FUT8: variants seen among roughly 807,000 people sequenced by gnomAD.
The protein encoded by FUT8 is alpha-(1,6)-fucosyltransferase.
Under a neutral mutation model 71.3 loss-of-function variants are expected in FUT8, and 29 were observed. The ratio of observed to expected loss-of-function variants is 0.41; its 90% CI spans 0.30 to 0.55. The LOEUF is 0.55. FUT8 is among the 20% of genes least tolerant of loss of function. The pLI, the probability that FUT8 is intolerant of heterozygous loss-of-function variation, is 0.34. For missense variants in FUT8, 544 were observed against 702.1 expected, an observed-to-expected ratio of 0.77 and a Z score of 2.55; for synonymous variants, 254 against 239.3, an observed-to-expected ratio of 1.06 and a Z score of -0.57.
intron 3 of FUT8, among the ~76,000 whole-genome samples, chr14:65,582,032 A>G (rs1457538185): frequency 6.6e-6 from 1 of 152,188 alleles, no homozygotes; most frequent in Admixed American, 6.5e-5. Context: ...ACTGTAAGTC[A>G]TGGTGTTGAA....
chr14:65,514,980 T>C (rs1317847145), intron 2 of FUT8, among the ~76,000 whole-genome samples: 1 of 152,206 alleles, frequency 6.6e-6, no homozygotes, highest in East Asian at 1.9e-4. Flanking sequence ...CCTTTGACAT[T>C]AGTAATATTT....
the FUT8 span, among the ~76,000 whole-genome samples, chr14:65,391,810 T>C: frequency 6.7e-6 from 1 of 148,918 alleles, no homozygotes. Flanking sequence ...TTAGTAGAGA[T>C]GGGGTTTCAC....
intron 2 of FUT8, among the ~76,000 whole-genome samples, chr14:65,457,742 A>G (rs368249026): frequency 1.3e-5 from 2 of 152,338 alleles, no homozygotes; most frequent in East Asian, 3.9e-4. Context: ...TTCACAATAC[A>G]GTGCCTGAAA....
intron 2 of FUT8, among the ~76,000 whole-genome samples, chr14:65,557,627 A>T (rs1885664262): frequency 7.0e-6 from 1 of 143,090 alleles, no homozygotes; most frequent in African/African-American, 2.5e-5. Context: ...CACTGTGCCC[A>T]GCCAATTTTG....
the FUT8 span, among the ~76,000 whole-genome samples, chr14:65,357,213 A>T: frequency 5.6e-3 from 846 of 152,364 alleles, 28 homozygotes; most frequent in East Asian, 0.085. Flanking sequence ...TACTTGGAAG[A>T]GTGCTTGTCA....
intron 5 of FUT8, among the ~76,000 whole-genome samples, chr14:65,621,034 G>C (rs982623390): frequency 1.3e-5 from 2 of 152,112 alleles, no homozygotes; most frequent in Admixed American, 6.6e-5. Flanking sequence ...AGGTGGAAAA[G>C]GGTGTTTTTC....
At chr14:65,588,444 A>G (rs1887506948) in intron 3 of FUT8, among the ~76,000 whole-genome samples, 1 of 152,190 alleles carries the variant, frequency 6.6e-6, no homozygotes, top group African/African-American at 2.4e-5. Flanking sequence ...CTGTTATTAC[A>G]TGTGCTGCAA....
chr14:65,651,653 T>A (rs1232011743), intron 6 of FUT8, among the ~76,000 whole-genome samples: 1 of 152,126 alleles, frequency 6.6e-6, no homozygotes. Flanking sequence ...ATTACAGTCT[T>A]GAAACAAATG....
At chr14:65,442,611 G>T (rs965912812) in intron 1 of FUT8, among the ~76,000 whole-genome samples, 1 of 151,970 alleles carries the variant, frequency 6.6e-6, no homozygotes, top group African/African-American at 2.4e-5. Context: ...GAGGCAGGTG[G>T]ATTACTTGAG....
intron 2 of FUT8, among the ~76,000 whole-genome samples, chr14:65,463,563 G>A (rs993424005): frequency 6.6e-6 from 1 of 152,142 alleles, no homozygotes; most frequent in Non-Finnish European, 1.5e-5. Context: ...CACCGTGCCT[G>A]GCTAATATAT....
intron 3 of FUT8, among the ~76,000 whole-genome samples, chr14:65,579,952 A>C (rs1206331606): frequency 1.3e-5 from 2 of 152,016 alleles, no homozygotes; most frequent in Admixed American, 1.3e-4. Flanking sequence ...GTAATACCCT[A>C]TTCTGATCCT....
At chr14:65,538,721 A>G (rs1017300463) in intron 2 of FUT8, among the ~76,000 whole-genome samples, 18 of 152,114 alleles carry the variant, frequency 1.2e-4, no homozygotes, top group Admixed American at 1.0e-3. Flanking sequence ...GGAGTTCGAG[A>G]CCAGCCTGGC....
intron 3 of FUT8, among the ~76,000 whole-genome samples, chr14:65,572,146 T>C (rs1886512125): frequency 6.6e-6 from 1 of 152,174 alleles, no homozygotes; most frequent in Non-Finnish European, 1.5e-5. Context: ...AGGTCTCATG[T>C]GGCACCCTAT....
intron 2 of FUT8, among the ~76,000 whole-genome samples, chr14:65,528,133 CCCTGTCCA>C (rs1196511643): frequency 6.6e-6 from 1 of 152,220 alleles, no homozygotes; most frequent in Non-Finnish European, 1.5e-5. Context: ...TTCGGCTATG[CCCTGTCCA>C]CAGAGGTGGA....
the FUT8 span, among the ~76,000 whole-genome samples, chr14:65,380,937 T>A: frequency 3.9e-5 from 6 of 152,314 alleles, no homozygotes; most frequent in East Asian, 9.6e-4. Context: ...GCAAAGATAA[T>A]AATAGGAGGG....
intron 1 of FUT8, among the ~76,000 whole-genome samples, chr14:65,439,938 ATGTG>A (rs543440132): frequency 1.3e-5 from 1 of 74,146 alleles, no homozygotes; most frequent in Non-Finnish European, 2.8e-5. Context: ...GATAAAGAAA[ATGTG>A]TGTGTGTGTG....
Position 65,574,399 on chromosome 14 carries a change from TG to T in FUT8, c.203+12638del, listed in dbSNP as rs1886647291. On this transcript the variant is annotated intron_variant, in intron 3 of 10. Transcript: ENST00000673929. The surrounding 1 kb of genome is among the most constrained non-coding windows in gnomAD (Gnocchi z 5.2). ...TTGACCACCAGAAGATAAAAATCAG[TG>T]GGGGCATCCTACAGTCAACCACCAC... Among the ~76,000 whole-genome samples, 1 of 152,082 alleles carries T rather than the reference TG, an allele frequency of 6.6e-6. No individual in the cohort carries two copies. The highest frequency in any genetic ancestry group is 1.5e-5 in the Non-Finnish European group (1 of 67,988).
chr14:65,370,201 C>CTT, the FUT8 span, among the ~76,000 whole-genome samples: 212 of 58,436 alleles, frequency 3.6e-3, no homozygotes, highest in African/African-American at 7.2e-3. Context: ...CACACATAGT[C>CTT]TTTTTTTTTT....
intron 1 of FUT8, among the ~76,000 whole-genome samples, chr14:65,422,776 G>A (rs977663929): frequency 7.2e-5 from 11 of 151,950 alleles, no homozygotes; most frequent in Non-Finnish European, 1.3e-4. Flanking sequence ...CCAGAGTGCT[G>A]GGGTTACAGG....
Sources: gnomAD v4.1 joint callset for allele counts (sites outside exome capture counted in the v4.1 genomes callset) on GRCh38, gnomAD v4.1.1 for gene constraint, Gnocchi (gnomAD v3.1) non-coding constraint, MANE v1.5 for transcripts, NCBI Gene and HGNC (gene_info 2026-07-23, HGNC 2026-07-21) for gene names.